SNTG2: variants seen among roughly 807,000 people sequenced by gnomAD.
SNTG2 encodes syntrophin gamma 2, also known as gamma-2-syntrophin.
In SNTG2, 74 loss-of-function variants were observed where a neutral mutation model predicts 70.9. That is an observed-to-expected ratio of 1.04 (90% CI 0.86 to 1.27). The LOEUF (loss-of-function observed/expected upper bound fraction) is 1.27. Among genes scored for constraint, SNTG2 ranks in the 50% most tolerant of loss-of-function variants. SNTG2 has a pLI of 0.00. For missense variants in SNTG2, 717 were observed against 690.7 expected (o/e 1.04, Z -0.43); for synonymous variants, 278 against 273.8 (o/e 1.02, Z -0.15).
intron 1 of SNTG2, among the ~76,000 whole-genome samples, chr2:990,861 GAA>G (rs1035567478): frequency 7.3e-6 from 1 of 137,458 alleles, no homozygotes; most frequent in Admixed American, 7.3e-5. Context: ...CCTTTTCTTA[GAA>G]AAAAAAAAAG....
intron 1 of SNTG2, among the ~76,000 whole-genome samples, chr2:1,028,111 A>C (rs924338119): frequency 6.0e-4 from 91 of 150,460 alleles, no homozygotes; most frequent in South Asian, 3.8e-3. Context: ...CAAGTAACTC[A>C]TGCATCTCTG....
At chr2:1,016,994 G>T (rs113261926) in intron 1 of SNTG2, among the ~76,000 whole-genome samples, 15 of 152,296 alleles carry the variant, frequency 9.8e-5, no homozygotes, top group African/African-American at 3.6e-4. Flanking sequence ...GTTGGCCAGG[G>T]TCTCAGAGCT....
intron 4 of SNTG2, among the ~76,000 whole-genome samples, chr2:1,115,507 C>CT (rs1427873040): frequency 6.6e-6 from 1 of 152,082 alleles, no homozygotes; most frequent in African/African-American, 2.4e-5. Context: ...CCTTACAGTC[C>CT]TTTGAGGAGG....
At chr2:1,179,395 A>C (rs1241750849) in intron 8 of SNTG2, among the ~76,000 whole-genome samples, 2 of 152,176 alleles carry the variant, frequency 1.3e-5, no homozygotes, top group African/African-American at 4.8e-5. Context: ...AATGTGCAAA[A>C]ATCACAAGCA....
chr2:1,200,067 T>G (rs1673181761), intron 8 of SNTG2, among the ~76,000 whole-genome samples: 1 of 151,946 alleles, frequency 6.6e-6, no homozygotes, highest in African/African-American at 2.4e-5. Context: ...AAAGCAATCT[T>G]AAGCAAAAAG....
chr2:1,088,757 G>C (rs1180246869), intron 2 of SNTG2, among the ~76,000 whole-genome samples: 1 of 152,112 alleles, frequency 6.6e-6, no homozygotes, highest in African/African-American at 2.4e-5. Context: ...TGATTGCCTG[G>C]CTGGCTTTAA....
At chr2:1,295,557 G>A (rs1356527686) in intron 14 of SNTG2, among the ~76,000 whole-genome samples, 1 of 152,250 alleles carries the variant, frequency 6.6e-6, no homozygotes. Flanking sequence ...AGCCGTAGAG[G>A]ACTGAGTCTC....
intron 1 of SNTG2, among the ~76,000 whole-genome samples, chr2:1,076,063 G>T (rs1443048611): frequency 6.6e-6 from 1 of 152,166 alleles, no homozygotes; most frequent in African/African-American, 2.4e-5. Flanking sequence ...TCCTCCAGGG[G>T]CTTATGTTCT....
At chr2:982,767 T>C (rs1661151923) in intron 1 of SNTG2, among the ~76,000 whole-genome samples, 2 of 152,196 alleles carry the variant, frequency 1.3e-5, no homozygotes, top group African/African-American at 4.8e-5. Flanking sequence ...GTATTGACCG[T>C]GGCCCTCATT....
intron 1 of SNTG2, among the ~76,000 whole-genome samples, chr2:978,359 A>C (rs1660983326): frequency 6.6e-6 from 1 of 152,218 alleles, no homozygotes; most frequent in African/African-American, 2.4e-5. Context: ...CAGAATTAGA[A>C]ATTATTACTT....
chr2:1,356,947 T>A (rs10789522), intron 16 of SNTG2, among the ~76,000 whole-genome samples: 109,106 of 151,382 alleles, frequency 0.72, 39,602 homozygotes, highest in East Asian at 0.94. Flanking sequence ...TTTTTTTTTT[T>A]CTTAATGTCT....
intron 16 of SNTG2, among the ~76,000 whole-genome samples, chr2:1,365,705 T>C (rs1044880350): frequency 6.6e-6 from 1 of 152,192 alleles, no homozygotes; most frequent in Non-Finnish European, 1.5e-5. Flanking sequence ...AAGCTGCCAC[T>C]GGGCTCTGGC....
chr2:1,337,662 G>A (rs1042808574), intron 16 of SNTG2, among the ~76,000 whole-genome samples: 4 of 152,054 alleles, frequency 2.6e-5, no homozygotes, highest in African/African-American at 9.7e-5. Context: ...TTTGTTTACA[G>A]TGTCCTTTGA....
chr2:1,337,104 T>G (rs1659856260), intron 16 of SNTG2, among the ~76,000 whole-genome samples: 3 of 152,218 alleles, frequency 2.0e-5, no homozygotes, highest in Admixed American at 6.5e-5. Flanking sequence ...TACCCAACAC[T>G]TAGGCTGCTT....
At chr2:1,042,542 G>A (rs1661499037) in intron 1 of SNTG2, among the ~76,000 whole-genome samples, 1 of 152,030 alleles carries the variant, frequency 6.6e-6, no homozygotes, top group Non-Finnish European at 1.5e-5. Flanking sequence ...CCTCAAGTAA[G>A]ACCCATGTCT....
chr2:1,164,305 G>A (rs934556937), intron 6 of SNTG2, among the ~76,000 whole-genome samples: 2 of 128,074 alleles, frequency 1.6e-5, no homozygotes, highest in East Asian at 2.5e-4. Context: ...ACGAGAGGGC[G>A]GGGTGGGATA....
intron 6 of SNTG2, among the ~76,000 whole-genome samples, chr2:1,157,302 C>T (rs536268619): frequency 1.3e-5 from 2 of 152,206 alleles, no homozygotes; most frequent in Non-Finnish European, 2.9e-5. Flanking sequence ...CCCTGCAGAA[C>T]CCAGAGGTGC....
At chr2:1,005,809 ATATATATATATATATATATATATATATAT>A (rs1659546163) in intron 1 of SNTG2, among the ~76,000 whole-genome samples, 1 of 1,510 alleles carries the variant, frequency 6.6e-4, no homozygotes, top group African/African-American at 3.6e-3. Flanking sequence ...GCCTCAAAAT[ATATATATATATATATATATATATATATAT>A]ATATATATAT....
chr2:1,339,691 A>T (rs920770198), intron 16 of SNTG2, among the ~76,000 whole-genome samples: 2 of 152,236 alleles, frequency 1.3e-5, no homozygotes, highest in Non-Finnish European at 2.9e-5. Context: ...TAAGCTGATG[A>T]ATATCAAGAG....
Sources: allele counts gnomAD v4.1 joint callset (sites outside exome capture counted in the v4.1 genomes callset), GRCh38; gene constraint gnomAD v4.1.1; transcripts MANE v1.5; gene names NCBI Gene and HGNC (gene_info 2026-07-23, HGNC 2026-07-21).